Variants in PCSK5 observed in about 807,000 individuals in gnomAD.
PCSK5 encodes prohormone convertase 5.
Under a neutral mutation model 233.2 loss-of-function variants are expected in PCSK5, and 129 were observed. The observed-to-expected ratio is 0.55, with a 90% CI of 0.48 to 0.64. The LOEUF (loss-of-function observed/expected upper bound fraction) is 0.64, where lower values mean the gene tolerates loss of function less well. Ranked by LOEUF, PCSK5 falls within the 30% of genes least tolerant of loss-of-function variation. The pLI, the probability that PCSK5 is intolerant of heterozygous loss-of-function variation, is 0.00. For missense variants in PCSK5, 2,076 were observed against 2,430.1 expected (o/e 0.85, Z 3.06); for synonymous variants, 825 against 879.2 (o/e 0.94, Z 1.09).
At chr9:76,346,820 A>G (rs1182683708) in intron 35 of PCSK5, among the ~76,000 whole-genome samples, 2 of 152,216 alleles carry the variant, frequency 1.3e-5, no homozygotes, top group Non-Finnish European at 2.9e-5. Flanking sequence ...TGAAAGAATC[A>G]GAAAAAATTT....
At chr9:76,043,838 C>T (rs1341022716) in intron 5 of PCSK5, among the ~76,000 whole-genome samples, 2 of 152,076 alleles carry the variant, frequency 1.3e-5, no homozygotes, top group Non-Finnish European at 2.9e-5. Flanking sequence ...TCCCAAAGTG[C>T]TTGAATTACA....
At chr9:76,059,288 A>G (rs530405417) in intron 5 of PCSK5, among the ~76,000 whole-genome samples, 2 of 152,106 alleles carry the variant, frequency 1.3e-5, no homozygotes, top group African/African-American at 4.8e-5. Context: ...GATGGCAAAA[A>G]TTTTCTCCCA....
intron 2 of PCSK5, among the ~76,000 whole-genome samples, chr9:75,942,947 C>T (rs373923762): frequency 7.6e-5 from 11 of 144,704 alleles, no homozygotes; most frequent in African/African-American, 2.8e-4. Flanking sequence ...AGCAGTGGCG[C>T]GATCTTGGCT....
At chr9:76,003,430 T>C (rs755608179) in intron 3 of PCSK5, among the ~76,000 whole-genome samples, 1 of 152,192 alleles carries the variant, frequency 6.6e-6, no homozygotes, top group East Asian at 1.9e-4. Flanking sequence ...TAGTTTGTTT[T>C]AATAAATTTG....
At position 75,958,867 on chromosome 9, in the gene PCSK5, T is replaced by G. The variant is rs1442637611; in HGVS notation, c.297+26384T>G. Among the ~76,000 whole-genome samples the G allele has an allele frequency of 3.3e-5, 5 of 152,218 alleles. No individual in the cohort carries two copies. In the East Asian group the frequency reaches 9.6e-4, roughly 29 times the overall value. ...ACTTGAAAGCATTGTATTTATCCAT[T>G]CATTCAATCAACACTACACATCCCC... On this transcript the variant is annotated intron_variant, in intron 2 of 37. Coordinates refer to ENST00000674117, the MANE Select transcript of PCSK5 (RefSeq NM_001372043.1).
At position 75,941,045 on chromosome 9, in the gene PCSK5, G is replaced by A. The variant is rs552382586; in HGVS notation, c.297+8562G>A. ...CAAATAATATTTCATGGGGTCTAGCGTAGCTTCAAAGTGAGTTTCACCTGG... is the reference window on the plus strand; with the variant it reads ...CAAATAATATTTCATGGGGTCTAGCATAGCTTCAAAGTGAGTTTCACCTGG... On this transcript the variant is annotated intron_variant, in intron 2 of 37. Transcript: ENST00000674117. Among the ~76,000 whole-genome samples the A allele has an allele frequency of 1.4e-3, 214 of 152,274 alleles. 1 individual carries two copies. Among genetic ancestry groups the A allele is most frequent in the African/African-American group, 4.1e-3 (169 of 41,562 alleles).
intron 24 of PCSK5, among the ~76,000 whole-genome samples, chr9:76,265,547 G>A (rs190806159): frequency 7.2e-5 from 11 of 152,182 alleles, no homozygotes; most frequent in South Asian, 4.1e-4. Flanking sequence ...GATCTCTATT[G>A]AACATTACTG....
At chr9:76,105,519 GTATGT>G (rs1276601018) in intron 8 of PCSK5, among the ~76,000 whole-genome samples, 5 of 152,168 alleles carry the variant, frequency 3.3e-5, no homozygotes, top group Non-Finnish European at 7.4e-5. Flanking sequence ...GAGGGTAATT[GTATGT>G]TATATGTTTT....
At chr9:76,025,155 TAA>T (rs1054469246) in intron 4 of PCSK5, among the ~76,000 whole-genome samples, 1 of 152,130 alleles carries the variant, frequency 6.6e-6, no homozygotes, top group Non-Finnish European at 1.5e-5. Context: ...CTCTATGTAC[TAA>T]AAGTTATTTT....
intron 2 of PCSK5, among the ~76,000 whole-genome samples, chr9:75,965,873 A>G (rs1825562578): frequency 6.6e-6 from 1 of 152,206 alleles, no homozygotes. Flanking sequence ...GGGAAGAACA[A>G]TATCCTAAAC....
intron 17 of PCSK5, among the ~76,000 whole-genome samples, chr9:76,187,349 A>ATAT (rs1213705008): frequency 1.3e-5 from 2 of 152,048 alleles, no homozygotes; most frequent in Admixed American, 1.3e-4. Context: ...TCAGTGAATA[A>ATAT]TATTTTTTAT....
intron 35 of PCSK5, 31 bp from the exon 36 acceptor site, chr9:76,350,797 A>G (rs755539637): frequency 1.6e-6 from 2 of 1,271,010 alleles, no homozygotes; most frequent in Non-Finnish European, 2.3e-6. Flanking sequence ...TCTAAGGTCA[A>G]TCTCATAACT....
intron 24 of PCSK5, among the ~76,000 whole-genome samples, chr9:76,276,717 A>G (rs764408950): frequency 1.2e-4 from 19 of 152,092 alleles, no homozygotes; most frequent in Non-Finnish European, 2.5e-4. Context: ...TCTCCACCCC[A>G]GTCTCATCAC....
chr9:76,021,631 T>C (rs560687560), intron 3 of PCSK5, among the ~76,000 whole-genome samples: 1 of 152,132 alleles, frequency 6.6e-6, no homozygotes, highest in Non-Finnish European at 1.5e-5. Context: ...TTGTCTGTCA[T>C]AAAAACATGG....
At position 76,002,320 on chromosome 9, in the gene PCSK5, G is replaced by C. The variant is rs558375268; in HGVS notation, c.411+16075G>C. Among the ~76,000 whole-genome samples, 6 of 152,166 alleles carry C rather than the reference G, an allele frequency of 3.9e-5. No individual in the cohort carries two copies. The South Asian group carries it at 8.3e-4, about 21-fold the overall frequency. ...GTTAGGATCTTTAGTTTGATTACAC[G>C]GACCTCAAGTTCCTAATGTGAGAAC... On this transcript the variant is annotated intron_variant, in intron 3 of 37. Transcript: ENST00000674117.
At chr9:76,279,735 C>A (rs918007185) in intron 24 of PCSK5, among the ~76,000 whole-genome samples, 17 of 151,724 alleles carry the variant, frequency 1.1e-4, no homozygotes, top group African/African-American at 3.6e-4. Flanking sequence ...CTGTTCATGT[C>A]CTTCGCCCAC....
chr9:75,927,671 C>T (rs1227732553), intron 1 of PCSK5, among the ~76,000 whole-genome samples: 1 of 152,170 alleles, frequency 6.6e-6, no homozygotes, highest in Non-Finnish European at 1.5e-5. Context: ...AGCTCCTCAT[C>T]AGGGGCAAAG....
chr9:75,978,945 T>G (rs1330757216), intron 2 of PCSK5, among the ~76,000 whole-genome samples: 1 of 147,336 alleles, frequency 6.8e-6, no homozygotes, highest in East Asian at 2.1e-4. Context: ...CAATCTTGGC[T>G]CACCGCAACC....
At chr9:76,094,500 G>A (rs140074388) in intron 7 of PCSK5, among the ~76,000 whole-genome samples, 1 of 152,178 alleles carries the variant, frequency 6.6e-6, no homozygotes, top group Non-Finnish European at 1.5e-5. Context: ...TTCCATTTTG[G>A]CTTAATTCTC....
Sources: gnomAD v4.1 joint callset for allele counts (sites outside exome capture counted in the v4.1 genomes callset) on GRCh38, gnomAD v4.1.1 for gene constraint, MANE v1.5 for transcripts, NCBI Gene and HGNC (gene_info 2026-07-23, HGNC 2026-07-21) for gene names.